The following FOXP4 variants were observed in gnomAD, a reference collection of about 807,000 sequenced individuals.
The protein encoded by FOXP4 is forkhead box protein P4.
FOXP4 carries 25 observed loss-of-function variants against 82.6 expected under a neutral mutation model. The ratio of observed to expected loss-of-function variants is 0.30; its 90% confidence interval spans 0.22 to 0.42. FOXP4 has a LOEUF of 0.42. FOXP4 is among the 10% of genes least tolerant of loss of function. The probability of loss-of-function intolerance (pLI) is 1.00; values close to 1 mark genes in which losing one functional copy is unlikely to be tolerated. For synonymous variants in FOXP4, 415 were observed against 388.2 expected (o/e 1.07, Z -0.81); for missense variants, 785 against 900.9 (o/e 0.87, Z 1.65).
intron 3 of FOXP4, among the ~76,000 whole-genome samples, chr6:41,581,672 C>T (rs1351271757): frequency 6.6e-6 from 1 of 152,236 alleles, no homozygotes; most frequent in East Asian, 1.9e-4. Flanking sequence ...CTCAGGAGAT[C>T]AGCATGCGGC....
At chr6:41,588,171 T>TC (rs1257364463) in intron 8 of FOXP4, among the ~76,000 whole-genome samples, 1 of 151,598 alleles carries the variant, frequency 6.6e-6, no homozygotes, top group Non-Finnish European at 1.5e-5. Flanking sequence ...GCATTACTCC[T>TC]CCCCCCACCC....
chr6:41,576,618 G>A (rs930801042), intron 2 of FOXP4, among the ~76,000 whole-genome samples: 1 of 152,226 alleles, frequency 6.6e-6, no homozygotes, highest in Non-Finnish European at 1.5e-5. Flanking sequence ...AGAGGCTGGA[G>A]GAGGTGAAGT....
chr6:41,579,574 T>C (rs4714487), intron 3 of FOXP4, among the ~76,000 whole-genome samples: 53,136 of 151,908 alleles, frequency 0.35, 9,854 homozygotes, highest in African/African-American at 0.47. Context: ...GTAAGACATC[T>C]AGAAGGACTG....
intron 5 of FOXP4, 87 bp from the exon 6 acceptor site, chr6:41,586,902 CAGGGGCTGACAGGCCCTGGG>C: frequency 1.4e-6 from 2 of 1,446,684 alleles, no homozygotes; most frequent in Non-Finnish European, 1.8e-6. Flanking sequence ...ACGACAGCTC[CAGGGGCTGACAGGCCCTGGG>C]AGGGGGTGGC....
chr6:41,596,672 G>A (rs1313097747), intron 14 of FOXP4, among the ~76,000 whole-genome samples: 2 of 152,154 alleles, frequency 1.3e-5, no homozygotes, highest in African/African-American at 4.8e-5. Flanking sequence ...TTCCCGTGCA[G>A]AGAAGCCTTC....
rs768841524 is a variant in FOXP4, at chr6:41,598,919, G to A, written c.2026G>A (p.Gly676Arg). 6.2e-7 allele frequency: 1 copy of A among 1,607,992 alleles called. No homozygotes were observed. Among genetic ancestry groups the A allele is most frequent in the South Asian group, 1.1e-5 (1 of 89,446 alleles). Residue 676 changes from glycine to arginine, a missense_variant, in exon 17 of 17, where the codon GGA (glycine) becomes AGA (arginine). This residue lies in a region of FOXP4 where 184 missense variants were observed against 187.3 expected (regional missense o/e 0.98). Coordinates refer to ENST00000307972, the MANE Select transcript of FOXP4 (RefSeq NM_001012426.2). Reference sequence around the variant, plus strand: ...CAGGGACCTGGAGGAGGAGCTGCCGGGAGAAGAACTGTCCTAAGGGCCTGT... The same window carrying A: ...CAGGGACCTGGAGGAGGAGCTGCCGAGAGAAGAACTGTCCTAAGGGCCTGT... ...EDRDLEEELPGEELS is the reference protein window; with the variant it reads ...EDRDLEEELPREELS
intron 1 of FOXP4, among the ~76,000 whole-genome samples, chr6:41,555,749 T>C (rs878897095): frequency 6.6e-5 from 10 of 152,228 alleles, no homozygotes; most frequent in Non-Finnish European, 1.2e-4. Context: ...GGCTTTGATA[T>C]GCTAATTAGG....
Position 41,587,107 on chromosome 6 carries a change from C to A in FOXP4, c.609C>A (p.Val203=), listed in dbSNP as rs757984411. The A allele has an allele frequency of 1.9e-5, 30 of 1,608,748 alleles. 1 individual carries two copies. The Admixed American group carries it at 5.0e-4, about 27-fold the overall frequency. ...TCAACCTGCAGAGGCAGGGGCTGGT[C>A]AGCCTGCAGCCCAACCAAGCCTCGG... ...HLLNLQRQGL[V]SLQPNQASGP... Residue 203 remains valine, a synonymous_variant, in exon 6 of 17, where the codon GTC becomes GTA. Coordinates refer to ENST00000307972, the MANE Select transcript of FOXP4 (RefSeq NM_001012426.2).
intron 2 of FOXP4, among the ~76,000 whole-genome samples, chr6:41,568,582 C>T (rs909221230): frequency 9.9e-5 from 15 of 152,208 alleles, no homozygotes; most frequent in African/African-American, 3.6e-4. Flanking sequence ...AGAAAAGCAA[C>T]GCTGCCCGCT....
chr6:41,553,436 C>G (rs1186086894), intron 1 of FOXP4, among the ~76,000 whole-genome samples: 1 of 152,078 alleles, frequency 6.6e-6, no homozygotes, highest in African/African-American at 2.4e-5. Flanking sequence ...TTTTTTTCTG[C>G]CTTTCTTTTA....
intron 16 of FOXP4, 95 bp downstream of exon 16, chr6:41,598,045 A>G: frequency 1.1e-6 from 1 of 880,418 alleles, no homozygotes; most frequent in South Asian, 1.9e-5. Context: ...TCCCCATCCC[A>G]CCCCCACCAC....
At chr6:41,569,013 G>A (rs1260768491) in intron 2 of FOXP4, among the ~76,000 whole-genome samples, 2 of 152,190 alleles carry the variant, frequency 1.3e-5, no homozygotes. Context: ...ACTAGAGGGA[G>A]AGGGTCCTTG....
At chr6:41,584,703 G>T in intron 3 of FOXP4, 66 bp from the exon 4 acceptor site, 2 of 1,501,996 alleles carry the variant, frequency 1.3e-6, no homozygotes, top group Non-Finnish European at 1.8e-6. Flanking sequence ...TGAGAGTGGG[G>T]CCCTGGGTGG....
At chr6:41,597,558 G>A (rs1008980295) in intron 15 of FOXP4, among the ~76,000 whole-genome samples, 7 of 152,104 alleles carry the variant, frequency 4.6e-5, no homozygotes, top group Non-Finnish European at 1.0e-4. Flanking sequence ...TTCCAGGAAA[G>A]CTAGGAGGTA....
chr6:41,579,461 G>A (rs946904842), intron 3 of FOXP4, among the ~76,000 whole-genome samples: 2 of 152,188 alleles, frequency 1.3e-5, no homozygotes, highest in African/African-American at 2.4e-5. Context: ...CTTAGAACAG[G>A]AAGGAGTAGG....
intron 3 of FOXP4, 99 bp downstream of exon 3, chr6:41,578,180 TC>T: frequency 1.0e-6 from 1 of 998,436 alleles, no homozygotes; most frequent in Non-Finnish European, 1.5e-6. Flanking sequence ...TCTTGCCAGT[TC>T]CAACACCAAA....
At chr6:41,586,080 C>A (rs1429074815) in intron 5 of FOXP4, among the ~76,000 whole-genome samples, 1 of 152,112 alleles carries the variant, frequency 6.6e-6, no homozygotes, top group Non-Finnish European at 1.5e-5. Context: ...GGTCCCAGAC[C>A]TGTGCATCTC....
At chr6:41,547,599 T>TCTGGAAATGGCCCCTGTGATTCGTGCGC (rs1763720679) in intron 1 of FOXP4, 1 of 152,390 alleles carries the variant, frequency 6.6e-6, no homozygotes, top group Non-Finnish European at 1.5e-5. Flanking sequence ...CTTGAGAGCG[T>TCTGGAAATGGCCCCTGTGATTCGTGCGC]CTGGAAATGG....
chr6:41,595,525 T>G (rs1766780945), intron 14 of FOXP4, among the ~76,000 whole-genome samples: 1 of 152,268 alleles, frequency 6.6e-6, no homozygotes. Context: ...CCTGGTCTTT[T>G]GTGCTCAGCT....
Sources: allele counts gnomAD v4.1 joint callset (sites outside exome capture counted in the v4.1 genomes callset), GRCh38; gene constraint gnomAD v4.1.1; regional missense constraint gnomAD v4.1.1; transcripts MANE v1.5; gene names NCBI Gene and HGNC (gene_info 2026-07-23, HGNC 2026-07-21).